CWC27: variants seen among roughly 807,000 people sequenced by gnomAD.
CWC27 encodes the protein CWC27 spliceosome associated cyclophilin.
Under a neutral mutation model 63.6 loss-of-function variants are expected in CWC27, and 47 were observed. The ratio of observed to expected loss-of-function variants is 0.74; its 90% confidence interval spans 0.58 to 0.94. CWC27 has a LOEUF of 0.94. CWC27 is among the 40% of genes least tolerant of loss of function. The pLI is 0.00. For missense variants in CWC27, 495 were observed against 554.3 expected (o/e 0.89, Z 1.07); for synonymous variants, 175 against 179.8 (o/e 0.97, Z 0.22).
At chr5:64,845,512 A>G (rs1003077230) in intron 10 of CWC27, among the ~76,000 whole-genome samples, 2 of 152,216 alleles carry the variant, frequency 1.3e-5, no homozygotes, top group African/African-American at 4.8e-5. Flanking sequence ...TAACAAAAAT[A>G]ACAAGTTTGA....
intron 10 of CWC27, among the ~76,000 whole-genome samples, chr5:64,813,064 GA>G: frequency 6.6e-6 from 1 of 152,048 alleles, no homozygotes; most frequent in Non-Finnish European, 1.5e-5. Context: ...TATTTAAAAG[GA>G]ATAACACTTT....
chr5:64,977,063 C>A (rs1304009813), intron 12 of CWC27, 72 bp from the exon 13 acceptor site: 8 of 885,666 alleles, frequency 9.0e-6, no homozygotes, highest in East Asian at 2.9e-5. Flanking sequence ...CCTTTTCTAC[C>A]AAACTTAAGC....
chr5:64,816,657 A>G (rs1250429077), intron 10 of CWC27, among the ~76,000 whole-genome samples: 2 of 152,100 alleles, frequency 1.3e-5, no homozygotes, highest in East Asian at 1.9e-4. Flanking sequence ...GACATTTCCT[A>G]TATGAGATAA....
intron 13 of CWC27, among the ~76,000 whole-genome samples, chr5:64,986,931 T>G (rs1028651022): frequency 4.6e-5 from 7 of 152,172 alleles, no homozygotes; most frequent in African/African-American, 1.7e-4. Context: ...TTTTTTCCAG[T>G]TTGTTTAGCT....
intron 13 of CWC27, among the ~76,000 whole-genome samples, chr5:64,988,955 T>C (rs1376772864): frequency 6.6e-6 from 1 of 152,174 alleles, no homozygotes; most frequent in Non-Finnish European, 1.5e-5. Context: ...AGTTTAGCAT[T>C]GGATTGACAC....
chr5:64,879,951 T>G (rs1159408320), intron 10 of CWC27, among the ~76,000 whole-genome samples: 1 of 152,014 alleles, frequency 6.6e-6, no homozygotes, highest in Non-Finnish European at 1.5e-5. Flanking sequence ...TTTTATACAA[T>G]AGCCAAATAC....
At chr5:64,976,039 G>A (rs1011300146) in intron 12 of CWC27, among the ~76,000 whole-genome samples, 1 of 152,112 alleles carries the variant, frequency 6.6e-6, no homozygotes, top group Admixed American at 6.5e-5. Context: ...TTGCACTCCA[G>A]CCTGGGCCTC....
intron 9 of CWC27, among the ~76,000 whole-genome samples, chr5:64,801,718 T>C (rs962642822): frequency 2.0e-5 from 3 of 152,168 alleles, no homozygotes; most frequent in Non-Finnish European, 2.9e-5. Context: ...CAGTAATTTA[T>C]AGTAGTGTCT....
intron 13 of CWC27, among the ~76,000 whole-genome samples, chr5:65,011,576 G>A (rs1009904942): frequency 6.6e-6 from 1 of 152,244 alleles, no homozygotes; most frequent in African/African-American, 2.4e-5. Flanking sequence ...TAACAGGCTG[G>A]AGAGGGAAGC....
At chr5:64,868,630 T>G (rs1321693589) in intron 10 of CWC27, among the ~76,000 whole-genome samples, 2 of 152,078 alleles carry the variant, frequency 1.3e-5, no homozygotes, top group African/African-American at 4.8e-5. Context: ...TTCAGGTGAT[T>G]CTGATATCAG....
chr5:64,964,641 T>G (rs1382324332), intron 11 of CWC27, among the ~76,000 whole-genome samples: 1 of 152,198 alleles, frequency 6.6e-6, no homozygotes, highest in Non-Finnish European at 1.5e-5. Context: ...ATTTTATAGC[T>G]GTTTGTGAGA....
chr5:65,005,746 A>G (rs1411132819), intron 13 of CWC27, among the ~76,000 whole-genome samples: 1 of 152,230 alleles, frequency 6.6e-6, no homozygotes, highest in Non-Finnish European at 1.5e-5. Context: ...ATGAAAAGAG[A>G]ACCCTAAGTT....
At chr5:64,803,940 C>CGGGT (rs1744569852) in intron 9 of CWC27, among the ~76,000 whole-genome samples, 1 of 151,914 alleles carries the variant, frequency 6.6e-6, no homozygotes, top group South Asian at 2.1e-4. Flanking sequence ...CAGAATAGCC[C>CGGGT]GAGTGACACA....
intron 10 of CWC27, among the ~76,000 whole-genome samples, chr5:64,863,386 GT>G (rs1280310981): frequency 2.6e-5 from 4 of 151,772 alleles, no homozygotes; most frequent in Non-Finnish European, 4.4e-5. Context: ...CAGGTATTTT[GT>G]TTCTTTTCTC....
intron 11 of CWC27, among the ~76,000 whole-genome samples, chr5:64,945,091 T>G (rs898306813): frequency 6.6e-6 from 1 of 152,152 alleles, no homozygotes; most frequent in Non-Finnish European, 1.5e-5. Flanking sequence ...TGTTACCTTT[T>G]CTGGACTGTG....
At chr5:64,999,112 CTG>C (rs1561184348) in intron 13 of CWC27, among the ~76,000 whole-genome samples, 1 of 151,856 alleles carries the variant, frequency 6.6e-6, no homozygotes, top group Non-Finnish European at 1.5e-5. Flanking sequence ...CACATTTTGT[CTG>C]TCTGTGTCTC....
chr5:64,971,788 G>A lies in CWC27; in HGVS notation c.1128G>A (p.Lys376=), dbSNP rs779920919. 7 of 1,610,682 alleles carry A rather than the reference G, an allele frequency of 4.3e-6. No homozygotes were observed. The South Asian group carries it at 5.5e-5, about 13-fold the overall frequency. ...KYEALRKQQS[K]KGTSREDQTL... Reference sequence around the variant, plus strand: ...AAGCTTTGAGGAAGCAACAGTCAAAGAAGGGAACTTCCCGGGAAGATCAGG... The same window carrying A: ...AAGCTTTGAGGAAGCAACAGTCAAAAAAGGGAACTTCCCGGGAAGATCAGG... Residue 376 remains lysine (K), a synonymous_variant, in exon 12 of 14, where the codon AAG becomes AAA. Coordinates refer to ENST00000381070, the MANE Select transcript of CWC27 (RefSeq NM_005869.4).
intron 10 of CWC27, among the ~76,000 whole-genome samples, chr5:64,835,810 A>G (rs954514715): frequency 6.6e-6 from 1 of 151,858 alleles, no homozygotes; most frequent in Admixed American, 6.6e-5. Flanking sequence ...GAAGAAAACC[A>G]CTGTATTTTT....
chr5:64,788,984 T>G lies in CWC27; in HGVS notation c.633T>G (p.Ala211=). ...NFSLLSFGEE[A]EEEEEEVNRV... is the part of the protein sequence containing the mutation. ...GTTTACTTTCATTTGGAGAGGAAGC[T>G]GAGGAAGAAGAGGAGGAAGTAAATC... The change falls in exon 7 of 14, where the codon GCT becomes GCG. Residue 211 remains alanine, a synonymous_variant. Transcript: ENST00000381070. The G allele has an allele frequency of 6.2e-7, 1 of 1,603,122 alleles. No homozygotes were observed.
Sources: allele counts gnomAD v4.1 joint callset (sites outside exome capture counted in the v4.1 genomes callset), GRCh38; gene constraint gnomAD v4.1.1; transcripts MANE v1.5; gene names NCBI Gene and HGNC (gene_info 2026-07-23, HGNC 2026-07-21).